The following IMMP2L variants were observed in gnomAD, a reference collection of about 807,000 sequenced individuals.
IMMP2L encodes mitochondrial inner membrane protease subunit 2.
Under a neutral mutation model 19.3 loss-of-function variants are expected in IMMP2L, and 18 were observed. The observed-to-expected ratio is 0.93, with a 90% confidence interval of 0.64 to 1.38. The LOEUF (loss-of-function observed/expected upper bound fraction) is 1.38. Among genes scored for constraint, IMMP2L ranks in the 40% most tolerant of loss-of-function variants. The pLI is 0.00. For missense variants in IMMP2L, 233 were observed against 218.2 expected, an observed-to-expected ratio of 1.07 and a Z score of -0.43; for synonymous variants, 76 against 73.0, an observed-to-expected ratio of 1.04 and a Z score of -0.21.
At chr7:110,968,260 G>T (rs1028993862) in intron 3 of IMMP2L, among the ~76,000 whole-genome samples, 2 of 149,926 alleles carry the variant, frequency 1.3e-5, no homozygotes, top group Non-Finnish European at 3.0e-5. Context: ...TTTGATTCAT[G>T]CATTAAAAAA....
chr7:111,400,759 C>G (rs1245913446), intron 3 of IMMP2L, among the ~76,000 whole-genome samples: 1 of 152,068 alleles, frequency 6.6e-6, no homozygotes, highest in African/African-American at 2.4e-5. Flanking sequence ...ACCCCATAGA[C>G]TTATCTTTGG....
At chr7:111,437,459 T>C (rs866841792) in intron 3 of IMMP2L, among the ~76,000 whole-genome samples, 3 of 151,630 alleles carry the variant, frequency 2.0e-5, no homozygotes, top group South Asian at 4.1e-4. Flanking sequence ...AAAAAATAAA[T>C]TAATGCATCC....
Position 110,799,201 on chromosome 7 carries a change from T to C in IMMP2L, c.408+87392A>G, listed in dbSNP as rs1801075162. Among the ~76,000 whole-genome samples, 2 of 151,952 alleles carry C rather than the reference T, an allele frequency of 1.3e-5. 1 individual carries two copies. Among genetic ancestry groups the C allele is most frequent in the South Asian group, 4.1e-4 (2 of 4,830 alleles). On this transcript the variant is annotated intron_variant, in intron 5 of 5. Transcript: ENST00000405709. ...AGGTCTTTACAAAGAATGCCTAGAG[T>C]ATGGACTCCTTCGCCTGCTAACTGC...
intron 5 of IMMP2L, among the ~76,000 whole-genome samples, chr7:110,839,899 A>T (rs561304668): frequency 6.6e-6 from 1 of 152,164 alleles, no homozygotes; most frequent in African/African-American, 2.4e-5. Context: ...GCTTGCACAC[A>T]TCCCTCCCTC....
chr7:111,088,695 C>G lies in IMMP2L; in HGVS notation c.240-125130G>C, dbSNP rs369912921. Reference sequence around the variant, plus strand: ...GTATTAATTCAAAAACCCTAAAATCCTTACTGTATTACAATGTAACGTCTT... The same window carrying G: ...GTATTAATTCAAAAACCCTAAAATCGTTACTGTATTACAATGTAACGTCTT... On this transcript the variant is annotated intron_variant, in intron 3 of 5. Transcript: ENST00000405709. Among the ~76,000 whole-genome samples, 275 of 152,166 alleles carry G rather than the reference C, an allele frequency of 1.8e-3. 1 individual carries two copies. The highest frequency in any genetic ancestry group is 6.5e-3 in the African/African-American group (270 of 41,514).
chr7:111,104,306 A>G (rs1429706729), intron 3 of IMMP2L, among the ~76,000 whole-genome samples: 1 of 151,738 alleles, frequency 6.6e-6, no homozygotes, highest in Non-Finnish European at 1.5e-5. Context: ...TTTCCTGTAA[A>G]TGTTTACTTC....
intron 5 of IMMP2L, among the ~76,000 whole-genome samples, chr7:110,866,865 T>G (rs937000291): frequency 1.3e-4 from 20 of 152,150 alleles, no homozygotes; most frequent in African/African-American, 4.8e-4. Flanking sequence ...TGGCTGTATT[T>G]TACAAAATGT....
intron 5 of IMMP2L, among the ~76,000 whole-genome samples, chr7:110,821,450 G>A (rs1310072890): frequency 6.6e-6 from 1 of 151,996 alleles, no homozygotes; most frequent in Admixed American, 6.6e-5. Flanking sequence ...TATCAGATAT[G>A]TTAAAGGGAT....
intron 3 of IMMP2L, among the ~76,000 whole-genome samples, chr7:111,315,638 A>G (rs1308289705): frequency 6.6e-6 from 1 of 151,852 alleles, no homozygotes; most frequent in Non-Finnish European, 1.5e-5. Context: ...TCATAGTAAT[A>G]CCTTCCTCAC....
chr7:111,368,074 A>T (rs1322327206), intron 3 of IMMP2L, among the ~76,000 whole-genome samples: 1 of 151,914 alleles, frequency 6.6e-6, no homozygotes, highest in Non-Finnish European at 1.5e-5. Flanking sequence ...CAATCTATAC[A>T]CACTAGATAA....
intron 3 of IMMP2L, among the ~76,000 whole-genome samples, chr7:111,205,677 C>T (rs574872346): frequency 6.6e-6 from 1 of 151,996 alleles, no homozygotes; most frequent in East Asian, 1.9e-4. Context: ...AGGAGATTTA[C>T]ACACTTAAAA....
chr7:110,774,111 T>C (rs1224516394), intron 5 of IMMP2L, among the ~76,000 whole-genome samples: 1 of 152,082 alleles, frequency 6.6e-6, no homozygotes, highest in Non-Finnish European at 1.5e-5. Context: ...CATTAAAATA[T>C]TGTATGGTAT....
intron 2 of IMMP2L, among the ~76,000 whole-genome samples, chr7:111,511,372 G>A (rs552233463): frequency 5.9e-5 from 9 of 152,214 alleles, no homozygotes; most frequent in Middle Eastern, 3.4e-3. Context: ...GCCTGAAGAC[G>A]TGGTGGCCAA....
intron 2 of IMMP2L, among the ~76,000 whole-genome samples, chr7:111,515,494 G>A (rs137988730): frequency 6.6e-6 from 1 of 152,146 alleles, no homozygotes; most frequent in Non-Finnish European, 1.5e-5. Context: ...TAAATGACCA[G>A]GAATTGACAA....
intron 3 of IMMP2L, chr7:111,125,114 G>T: frequency 2.2e-6 from 1 of 445,160 alleles, no homozygotes; most frequent in Non-Finnish European, 4.1e-6. Context: ...GGGGTACTGT[G>T]GCAACCAAAT....
intron 3 of IMMP2L, among the ~76,000 whole-genome samples, chr7:111,439,693 G>A (rs1837529875): frequency 6.6e-6 from 1 of 151,884 alleles, no homozygotes; most frequent in Non-Finnish European, 1.5e-5. Flanking sequence ...GGTGGTTGCT[G>A]AAGAGTGAGG....
intron 4 of IMMP2L, among the ~76,000 whole-genome samples, chr7:110,899,479 T>C (rs1246708641): frequency 6.6e-6 from 1 of 152,220 alleles, no homozygotes; most frequent in Non-Finnish European, 1.5e-5. Flanking sequence ...ATTTGGCAGC[T>C]ATAGATTATT....
At chr7:111,034,106 T>C (rs919267495) in intron 3 of IMMP2L, among the ~76,000 whole-genome samples, 2 of 152,138 alleles carry the variant, frequency 1.3e-5, no homozygotes, top group South Asian at 2.1e-4. Context: ...ATAAAATTAA[T>C]GAATTTCACT....
At chr7:111,108,477 T>G (rs769102996) in intron 3 of IMMP2L, among the ~76,000 whole-genome samples, 7 of 152,088 alleles carry the variant, frequency 4.6e-5, no homozygotes, top group Non-Finnish European at 7.4e-5. Flanking sequence ...AGAGATATAA[T>G]ATATAAAAAT....
Sources: gnomAD v4.1 joint callset for allele counts (sites outside exome capture counted in the v4.1 genomes callset) on GRCh38, gnomAD v4.1.1 for gene constraint, MANE v1.5 for transcripts, NCBI Gene and HGNC (gene_info 2026-07-23, HGNC 2026-07-21) for gene names.